CHSY1: variants seen among roughly 807,000 people sequenced by gnomAD.
CHSY1 encodes N-acetylgalactosaminyl-proteoglycan 3-beta-glucuronosyltransferase 1.
In CHSY1, 13 loss-of-function variants were observed where a neutral mutation model predicts 59.8. The ratio of observed to expected loss-of-function variants is 0.22; its 90% CI spans 0.14 to 0.35. The LOEUF is 0.35. Among genes scored for constraint, CHSY1 ranks in the 10% least tolerant of loss-of-function variants. The probability of loss-of-function intolerance (pLI) is 1.00; values close to 1 mark genes in which losing one functional copy is unlikely to be tolerated. For synonymous variants in CHSY1, 459 were observed against 401.2 expected (o/e 1.14, Z -1.72); for missense variants, 947 against 1,030.6 (o/e 0.92, Z 1.11).
rs1436388349 is a variant in CHSY1 at position 101,175,846 on chromosome 15, A to C, written c.*1542T>G. 5 of 160,058 alleles carry C rather than the reference A, an allele frequency of 3.1e-5. No homozygotes were observed. The highest frequency in any genetic ancestry group is 6.8e-5 in the Non-Finnish European group (5 of 73,386). 9.9% of individuals were successfully genotyped at this position (160,058 alleles called of 1,614,324 possible). On this transcript the variant is annotated 3_prime_UTR_variant, in exon 3 of 3. Coordinates refer to ENST00000254190, the MANE Select transcript of CHSY1 (RefSeq NM_014918.5). ...ATATTGTTCACTGGTTTATTTTTCCAAATGAGCATCAGGCTATTTACAAAT... is the reference window on the plus strand; with the variant it reads ...ATATTGTTCACTGGTTTATTTTTCCCAATGAGCATCAGGCTATTTACAAAT...
intron 2 of CHSY1, among the ~76,000 whole-genome samples, chr15:101,220,935 G>C (rs897242164): frequency 6.6e-6 from 1 of 152,038 alleles, no homozygotes; most frequent in African/African-American, 2.4e-5. Context: ...TCAGTCGACC[G>C]CCTTATCATG....
chr15:101,181,086 C>T (rs773295503), intron 2 of CHSY1, among the ~76,000 whole-genome samples: 31 of 152,222 alleles, frequency 2.0e-4, no homozygotes, highest in Non-Finnish European at 3.5e-4. Flanking sequence ...CCTCAGAAGA[C>T]GCTCCCAGGG....
rs546005866 is a variant in CHSY1 at position 101,211,529 on chromosome 15, G to A, written c.816+23553C>T. ...AGACCCAGAAACAGATGCAAAAATG[G>A]GACAGAAGCAATATTTATAAAAATA... is the stretch of plus-strand genomic sequence containing the variant. On this transcript the variant is annotated intron_variant, in intron 2 of 2. Coordinates refer to ENST00000254190, the MANE Select transcript of CHSY1 (RefSeq NM_014918.5). Among the ~76,000 whole-genome samples, 7 of 152,120 alleles carry A rather than the reference G, an allele frequency of 4.6e-5. No homozygotes were observed. In the East Asian group the frequency reaches 9.6e-4, roughly 21 times the overall value.
At chr15:101,245,463 C>T (rs193072151) in intron 1 of CHSY1, among the ~76,000 whole-genome samples, 15 of 152,344 alleles carry the variant, frequency 9.8e-5, no homozygotes, top group Admixed American at 2.0e-4. Context: ...GATTAGTTCA[C>T]GCACCCTGAC....
At chr15:101,226,284 C>G (rs1286637448) in intron 2 of CHSY1, among the ~76,000 whole-genome samples, 1 of 152,188 alleles carries the variant, frequency 6.6e-6, no homozygotes, top group African/African-American at 2.4e-5. Context: ...TCACATTTCA[C>G]AAGCAAGCAC....
At chr15:101,218,402 G>GGATCT (rs1170250462) in intron 2 of CHSY1, among the ~76,000 whole-genome samples, 1 of 152,130 alleles carries the variant, frequency 6.6e-6, no homozygotes, top group Non-Finnish European at 1.5e-5. Flanking sequence ...TTTGAGAACA[G>GGATCT]CCTGGTCAAC....
chr15:101,234,132 A>G (rs912970401), intron 2 of CHSY1, among the ~76,000 whole-genome samples: 3 of 152,250 alleles, frequency 2.0e-5, no homozygotes, highest in African/African-American at 7.2e-5. Flanking sequence ...CAACTGCTAC[A>G]GAGAAAACAT....
At chr15:101,193,751 T>C (rs1475160351) in intron 2 of CHSY1, among the ~76,000 whole-genome samples, 2 of 152,168 alleles carry the variant, frequency 1.3e-5, no homozygotes, top group Non-Finnish European at 2.9e-5. Context: ...GTGCACACAA[T>C]ACCAACACTC....
rs1418884089 is a variant in CHSY1 at position 101,235,505 on chromosome 15, A to G, written c.393T>C (p.Ile131=). 1 of 1,613,958 alleles carries G rather than the reference A, an allele frequency of 6.2e-7. No individual in the cohort carries two copies. The change falls in exon 2 of 3, where the codon ATT becomes ATC. Residue 131 remains isoleucine, a synonymous_variant. Coordinates refer to ENST00000254190, the MANE Select transcript of CHSY1 (RefSeq NM_014918.5). The part of the protein sequence containing the change: ...SSEGSDTSVP[I]PVVPLRGVDD... ...CCACACCCCGTAGTGGCACTACTGG[A>G]ATTGGTACAGATGTGTCAGAACCCT...
intron 1 of CHSY1, among the ~76,000 whole-genome samples, chr15:101,236,691 G>A (rs1018036675): frequency 1.3e-5 from 2 of 152,030 alleles, no homozygotes; most frequent in African/African-American, 4.8e-5. Context: ...CGTGCGTGCT[G>A]GCGGGCGCCT....
intron 2 of CHSY1, among the ~76,000 whole-genome samples, chr15:101,222,006 T>A (rs2038793745): frequency 6.6e-6 from 1 of 152,166 alleles, no homozygotes; most frequent in Non-Finnish European, 1.5e-5. Flanking sequence ...CGCTGAAAGA[T>A]CTTTTTAGCC....
At chr15:101,215,274 A>C (rs2038720062) in intron 2 of CHSY1, among the ~76,000 whole-genome samples, 1 of 152,232 alleles carries the variant, frequency 6.6e-6, no homozygotes, top group Non-Finnish European at 1.5e-5. Flanking sequence ...ACAGAGCTTA[A>C]AATCTTAAAA....
In CHSY1 at chr15:101,251,956, C is replaced by G. The variant is rs1269374686; in HGVS notation, c.-500G>C. 3 of 151,310 alleles carry G rather than the reference C, an allele frequency of 2.0e-5. No individual in the cohort carries two copies. The highest frequency in any genetic ancestry group is 2.0e-4 in the Admixed American group (3 of 15,190). 9.4% of individuals were successfully genotyped at this position (151,310 alleles called of 1,614,324 possible). A position where few individuals can be genotyped will look rare whatever the true frequency, so the allele number is the denominator to read the frequency against. Reference sequence around the variant, plus strand: ...CCATTGCAACAGGAGCCCCTCACGTCACGCACGGCGCGTTATGAAGTGGCC... The same window carrying G: ...CCATTGCAACAGGAGCCCCTCACGTGACGCACGGCGCGTTATGAAGTGGCC... On this transcript the variant is annotated 5_prime_UTR_variant, in exon 1 of 3. Transcript: ENST00000254190.
At chr15:101,217,386 G>A (rs2038744988) in intron 2 of CHSY1, among the ~76,000 whole-genome samples, 1 of 152,116 alleles carries the variant, frequency 6.6e-6, no homozygotes, top group Non-Finnish European at 1.5e-5. Flanking sequence ...TATACACATA[G>A]GTATTTCCAT....
At chr15:101,227,337 T>C (rs556356855) in intron 2 of CHSY1, among the ~76,000 whole-genome samples, 1 of 152,286 alleles carries the variant, frequency 6.6e-6, no homozygotes, top group Non-Finnish European at 1.5e-5. Flanking sequence ...TTGTCTTTAT[T>C]TGACCTGACT....
rs2038203353 is a variant in CHSY1, at chr15:101,177,268, A to T, written c.*120T>A. 9.8e-6 allele frequency: 9 copies of T among 915,116 alleles called. No individual in the cohort carries two copies. In the South Asian group the frequency reaches 1.6e-4, roughly 16 times the overall value. The allele number at this position is 915,116 out of a possible 1,614,324, so 56.7% of individuals were successfully genotyped here. ...GAAAGCTCAATCTTAAAGGAGTCCT[A>T]TGTAAGAAAACCACTTGTAAAATAT... On this transcript the variant is annotated 3_prime_UTR_variant, in exon 3 of 3. Transcript: ENST00000254190.
At chr15:101,203,678 G>C (rs986584181) in intron 2 of CHSY1, among the ~76,000 whole-genome samples, 2 of 152,180 alleles carry the variant, frequency 1.3e-5, no homozygotes, top group African/African-American at 4.8e-5. Context: ...AGTTAACACT[G>C]CCTGTATGGA....
chr15:101,239,239 G>A (rs993037858), intron 1 of CHSY1, among the ~76,000 whole-genome samples: 8 of 152,222 alleles, frequency 5.3e-5, no homozygotes, highest in Non-Finnish European at 7.4e-5. Context: ...GTAACTTAAT[G>A]GTGCCACACG....
chr15:101,251,178 G>T lies in CHSY1; in HGVS notation c.279C>A (p.Thr93=). ...DRNFLFVGVM[T]AQKYLQTRAV... is the part of the protein sequence containing the mutation. ...CCCGAGTCTGCAGGTATTTCTGGGC[G>T]GTCATGACTCCCACGAAGAGAAAGT... The change falls in exon 1 of 3, where the codon ACC becomes ACA. Residue 93 remains threonine (T), a synonymous_variant. Coordinates refer to ENST00000254190, the MANE Select transcript of CHSY1 (RefSeq NM_014918.5). 1 of 1,600,000 alleles carries T rather than the reference G, an allele frequency of 6.3e-7. No individual in the cohort carries two copies. The highest frequency in any genetic ancestry group is 1.1e-5 in the South Asian group (1 of 89,530).
Sources: gnomAD v4.1 joint callset for allele counts (sites outside exome capture counted in the v4.1 genomes callset) on GRCh38, gnomAD v4.1.1 for gene constraint, MANE v1.5 for transcripts, NCBI Gene and HGNC (gene_info 2026-07-23, HGNC 2026-07-21) for gene names.